NKAIN2: variants seen among roughly 807,000 people sequenced by gnomAD.
The protein encoded by NKAIN2 is sodium/potassium-transporting ATPase subunit beta-1-interacting protein 2.
Under a neutral mutation model 32.6 loss-of-function variants are expected in NKAIN2, and 14 were observed. The observed-to-expected ratio is 0.43, with a 90% CI of 0.28 to 0.67. The LOEUF (loss-of-function observed/expected upper bound fraction) is 0.67. Ranked by LOEUF, NKAIN2 falls within the 30% of genes least tolerant of loss-of-function variation. The pLI is 0.17. For missense variants in NKAIN2, 198 were observed against 258.3 expected (o/e 0.77, Z 1.60); for synonymous variants, 80 against 87.2 (o/e 0.92, Z 0.46).
intron 3 of NKAIN2, among the ~76,000 whole-genome samples, chr6:124,595,496 G>C (rs1782051186): frequency 6.6e-6 from 1 of 152,172 alleles, no homozygotes; most frequent in African/African-American, 2.4e-5. Context: ...AATCTTACTT[G>C]AAGATCTGGA....
intron 1 of NKAIN2, among the ~76,000 whole-genome samples, chr6:124,148,124 A>AT (rs954125872): frequency 1.3e-5 from 2 of 151,734 alleles, no homozygotes; most frequent in African/African-American, 2.4e-5. Flanking sequence ...TATTTCATTT[A>AT]TTTTTTTTAA....
intron 4 of NKAIN2, among the ~76,000 whole-genome samples, chr6:124,714,979 A>G (rs2114615707): frequency 6.6e-6 from 1 of 152,310 alleles, no homozygotes; most frequent in East Asian, 1.9e-4. Context: ...TGTCCCAGAA[A>G]CCATGAGAAT....
At chr6:124,750,013 T>G (rs1777636035) in intron 4 of NKAIN2, among the ~76,000 whole-genome samples, 1 of 151,718 alleles carries the variant, frequency 6.6e-6, no homozygotes, top group Non-Finnish European at 1.5e-5. Context: ...TGAAATAGCA[T>G]CAGCTTGGAA....
At chr6:124,616,437 C>CTTTTTTTTT (rs79406895) in intron 3 of NKAIN2, among the ~76,000 whole-genome samples, 1 of 70,444 alleles carries the variant, frequency 1.4e-5, no homozygotes, top group African/African-American at 6.9e-5. Context: ...TCTTTTCTTT[C>CTTTTTTTTT]TTTTTTTTTT....
At chr6:123,920,592 C>T (rs1479927801) in intron 1 of NKAIN2, among the ~76,000 whole-genome samples, 2 of 152,014 alleles carry the variant, frequency 1.3e-5, no homozygotes, top group South Asian at 4.1e-4. Context: ...ACCCCAGCCA[C>T]CCAGTCCACA....
intron 4 of NKAIN2, among the ~76,000 whole-genome samples, chr6:124,732,117 C>G (rs1776711116): frequency 6.6e-6 from 1 of 151,852 alleles, no homozygotes; most frequent in African/African-American, 2.4e-5. Flanking sequence ...TTCCATAGAA[C>G]TTTAAAATAG....
chr6:124,383,591 CAG>C (rs1438467496), intron 3 of NKAIN2, among the ~76,000 whole-genome samples: 1 of 152,166 alleles, frequency 6.6e-6, no homozygotes, highest in African/African-American at 2.4e-5. Flanking sequence ...CTCAGCCTGG[CAG>C]AGTGTTCCTT....
In NKAIN2 at chr6:123,998,051, G is replaced by C. The variant is rs536440736; in HGVS notation, c.54+193797G>C. ...CATGACTCAATTAGTTTCTGGGGTT[G>C]GGATTAAGTGCACCTTATGCTAATT... On this transcript the variant is annotated intron_variant, in intron 1 of 6. Coordinates refer to ENST00000368417, the MANE Select transcript of NKAIN2 (RefSeq NM_001040214.3). 1.1e-4 allele frequency among the ~76,000 whole-genome samples: 17 copies of C among 152,196 alleles called. No homozygotes were observed. In the East Asian group the frequency reaches 1.9e-3, roughly 17 times the overall value.
intron 1 of NKAIN2, among the ~76,000 whole-genome samples, chr6:123,956,299 A>G (rs953420180): frequency 1.3e-5 from 2 of 152,220 alleles, no homozygotes; most frequent in Admixed American, 6.5e-5. Context: ...CATATGTTGA[A>G]GCCCTAACTT....
intron 1 of NKAIN2, among the ~76,000 whole-genome samples, chr6:124,196,252 T>C (rs1019521653): frequency 6.6e-6 from 1 of 152,086 alleles, no homozygotes; most frequent in Admixed American, 6.5e-5. Flanking sequence ...CAATACCTGA[T>C]TGTTTTGTGT....
At chr6:124,085,617 CTAAATGCAA>C (rs1318689311) in intron 1 of NKAIN2, among the ~76,000 whole-genome samples, 1 of 151,542 alleles carries the variant, frequency 6.6e-6, no homozygotes, top group Non-Finnish European at 1.5e-5. Flanking sequence ...TTTAAGAGGA[CTAAATGCAA>C]TAAATATTTG....
intron 1 of NKAIN2, among the ~76,000 whole-genome samples, chr6:124,007,038 G>A (rs974914659): frequency 6.6e-6 from 1 of 152,128 alleles, no homozygotes; most frequent in Non-Finnish European, 1.5e-5. Context: ...ACATCATACA[G>A]TGTACTTACA....
intron 3 of NKAIN2, among the ~76,000 whole-genome samples, chr6:124,481,432 T>G (rs1184542400): frequency 6.6e-6 from 1 of 152,070 alleles, no homozygotes; most frequent in Non-Finnish European, 1.5e-5. Flanking sequence ...AAATTGTCAG[T>G]TAAGAATAGT....
At chr6:124,450,942 T>G (rs986707715) in intron 3 of NKAIN2, among the ~76,000 whole-genome samples, 20 of 152,048 alleles carry the variant, frequency 1.3e-4, no homozygotes, top group Admixed American at 7.2e-4. Context: ...GGGAAGATAA[T>G]GTAAAAGTCA....
intron 4 of NKAIN2, among the ~76,000 whole-genome samples, chr6:124,720,828 A>G (rs1470866158): frequency 6.6e-6 from 1 of 152,212 alleles, no homozygotes; most frequent in Non-Finnish European, 1.5e-5. Flanking sequence ...GTATGAGAAT[A>G]TTTCTAAACT....
chr6:124,003,972 C>A (rs1779975542), intron 1 of NKAIN2, among the ~76,000 whole-genome samples: 1 of 152,200 alleles, frequency 6.6e-6, no homozygotes, highest in East Asian at 1.9e-4. Context: ...ATAATACTGA[C>A]TAGAGCTAAA....
intron 1 of NKAIN2, among the ~76,000 whole-genome samples, chr6:123,874,544 A>C (rs1050595530): frequency 2.6e-5 from 4 of 152,154 alleles, no homozygotes; most frequent in African/African-American, 9.7e-5. Flanking sequence ...AAGAGCTTGA[A>C]GGAGCTTATT....
At chr6:123,921,513 A>G (rs1420384504) in intron 1 of NKAIN2, among the ~76,000 whole-genome samples, 1 of 152,114 alleles carries the variant, frequency 6.6e-6, no homozygotes, top group Non-Finnish European at 1.5e-5. Flanking sequence ...TTCTTCTTCC[A>G]TATGAAATTC....
intron 1 of NKAIN2, among the ~76,000 whole-genome samples, chr6:123,858,126 T>A (rs79279727): frequency 0.014 from 2,185 of 152,062 alleles, 56 homozygotes; most frequent in African/African-American, 0.05. Context: ...TATTATTTTT[T>A]TTTTTTTGAG....
Sources: gnomAD v4.1 joint callset for allele counts (sites outside exome capture counted in the v4.1 genomes callset) on GRCh38, gnomAD v4.1.1 for gene constraint, MANE v1.5 for transcripts, NCBI Gene and HGNC (gene_info 2026-07-23, HGNC 2026-07-21) for gene names.